Variants in SCN9A observed in about 807,000 individuals in gnomAD.
SCN9A encodes sodium voltage-gated channel alpha subunit 9.
In SCN9A, 131 loss-of-function variants were observed where a neutral mutation model predicts 187.0. That is an observed-to-expected ratio of 0.70 (90% CI 0.61 to 0.81). SCN9A has a LOEUF of 0.81. SCN9A is among the 30% of genes least tolerant of loss of function. The pLI, the probability that SCN9A is intolerant of heterozygous loss-of-function variation, is 0.00. For synonymous variants in SCN9A, 809 were observed against 808.6 expected, an observed-to-expected ratio of 1.00 and a Z score of -0.01; for missense variants, 2,252 against 2,396.6, an observed-to-expected ratio of 0.94 and a Z score of 1.26.
chr2:166,259,430 C>T (rs751716900), intron 17 of SCN9A: 5 of 151,630 alleles, frequency 3.3e-5, no homozygotes, highest in Non-Finnish European at 7.4e-5. Context: ...ATATACTCAA[C>T]GTTAAGCAAT....
At chr2:166,353,120 C>T (rs569589072) in intron 1 of SCN9A, among the ~76,000 whole-genome samples, 14 of 149,520 alleles carry the variant, frequency 9.4e-5, no homozygotes, top group African/African-American at 2.7e-4. Flanking sequence ...TTTGGGAGGC[C>T]GAAGTGGGCA....
intron 17 of SCN9A, among the ~76,000 whole-genome samples, chr2:166,255,647 T>C (rs983157967): frequency 3.3e-5 from 5 of 150,634 alleles, no homozygotes; most frequent in African/African-American, 1.2e-4. Flanking sequence ...AACTGAAAAA[T>C]GTTACATTTC....
Position 166,204,053 on chromosome 2 carries a change from G to A in SCN9A, c.4676C>T (p.Thr1559Ile). 1 of 1,611,278 alleles carries A rather than the reference G, an allele frequency of 6.2e-7. No individual in the cohort carries two copies. Among genetic ancestry groups the A allele is most frequent in the Non-Finnish European group, 8.5e-7 (1 of 1,177,970 alleles). Reference protein sequence around the residue: ...WINVVFIILFTGECVLKLISL... With the variant: ...WINVVFIILFIGECVLKLISL... ...GATCAGTTTTAGCACACATTCTCCAGTGAAAAGGATTATAAAAACCACATT... is the reference window on the plus strand; with the variant it reads ...GATCAGTTTTAGCACACATTCTCCAATGAAAAGGATTATAAAAACCACATT... Residue 1559 changes from threonine to isoleucine, a missense_variant, in exon 26 of 27, where the codon ACT becomes ATT. Around this residue, in one of 7 missense-constraint regions of SCN9A, gnomAD observed 368 missense variants for 408.6 expected, o/e 0.90. Transcript: ENST00000642356.
intron 7 of SCN9A, chr2:166,301,634 G>A (rs1698559218): frequency 6.6e-6 from 1 of 150,862 alleles, no homozygotes; most frequent in Admixed American, 6.6e-5. Context: ...ATAGGAGCAA[G>A]ACTCAGAATA....
rs1426236168 is a variant in SCN9A, at chr2:166,284,492, C to T, written c.1935G>A (p.Leu645=). 6.2e-7 allele frequency: 1 copy of T among 1,614,006 alleles called. No individual in the cohort carries two copies. The highest frequency in any genetic ancestry group is 1.7e-5 in the Admixed American group (1 of 60,012). The change falls in exon 12 of 27, where the codon CTG becomes CTA. Residue 645 remains leucine, a synonymous_variant. Transcript: ENST00000642356. The part of the protein sequence containing the change: ...SALMLPNGQL[L]PEVIIDKATS... ...TTGCCTTATCTATTATCACCTCTGG[C>T]AGAAGCTGTCCATTGGGGAGCATGA...
At chr2:166,210,313 G>C (rs1484712711) in intron 24 of SCN9A, among the ~76,000 whole-genome samples, 3 of 151,952 alleles carry the variant, frequency 2.0e-5, no homozygotes, top group Non-Finnish European at 2.9e-5. Context: ...TTGTGGGGTG[G>C]GGGGAGGAGG....
In SCN9A at chr2:166,284,609, A is replaced by C. The variant is rs202141567; in HGVS notation, c.1818T>G (p.Ser606Arg). Reference sequence around the variant, plus strand: ...TCACCGGCAGCATTGGTGGGGACCTACTGGCTTGGCTGATGTTACTGCTGC... The same window carrying C: ...TCACCGGCAGCATTGGTGGGGACCTCCTGGCTTGGCTGATGTTACTGCTGC... ...ERRSSNISQA[S>R]RSPPMLPVNG... Residue 606 changes from serine (S) to arginine (R), a missense_variant, in exon 12 of 27, where the codon AGT becomes AGG. By Grantham distance (110) the Ser-to-Arg change is moderately radical. Transcript: ENST00000642356. The C allele has an allele frequency of 8.9e-5, 144 of 1,614,018 alleles. 1 individual carries two copies. In the East Asian group the frequency reaches 3.2e-3, roughly 36 times the overall value.
intron 1 of SCN9A, among the ~76,000 whole-genome samples, chr2:166,367,153 A>C (rs539165024): frequency 6.6e-6 from 1 of 152,238 alleles, no homozygotes; most frequent in Non-Finnish European, 1.5e-5. Flanking sequence ...ATCCTGCACA[A>C]GATCACTTTG....
chr2:166,343,074 A>G (rs947239502), intron 1 of SCN9A, among the ~76,000 whole-genome samples: 3 of 152,222 alleles, frequency 2.0e-5, no homozygotes, highest in African/African-American at 7.2e-5. Context: ...AATTAACTAA[A>G]TAATGTAGTG....
intron 1 of SCN9A, among the ~76,000 whole-genome samples, chr2:166,358,303 C>CA (rs1244425217): frequency 6.6e-6 from 1 of 151,966 alleles, no homozygotes; most frequent in Admixed American, 6.6e-5. Flanking sequence ...CTCCTGACCT[C>CA]ATGTGATCCA....
At chr2:166,315,085 A>C (rs1699075827) in intron 1 of SCN9A, among the ~76,000 whole-genome samples, 1 of 152,200 alleles carries the variant, frequency 6.6e-6, no homozygotes, top group East Asian at 1.9e-4. Context: ...CAAATCAATG[A>C]ATCAAATCAA....
intron 1 of SCN9A, among the ~76,000 whole-genome samples, chr2:166,374,659 A>T (rs1295386466): frequency 6.6e-6 from 1 of 152,112 alleles, no homozygotes; most frequent in African/African-American, 2.4e-5. Context: ...TTAAATAACA[A>T]GGAAAGAAAG....
At chr2:166,237,609 T>C (rs1695374761) in intron 20 of SCN9A, among the ~76,000 whole-genome samples, 1 of 152,050 alleles carries the variant, frequency 6.6e-6, no homozygotes, top group Non-Finnish European at 1.5e-5. Context: ...AAGTTAACTT[T>C]GTATTTGTAT....
chr2:166,303,968 G>T lies in SCN9A; in HGVS notation c.688+270C>A, dbSNP rs906981242. The T allele has an allele frequency of 3.0e-5, 44 of 1,459,074 alleles. No homozygotes were observed. In the East Asian group the frequency reaches 7.5e-4, roughly 25 times the overall value. 90.4% of individuals were successfully genotyped at this position (1,459,074 alleles called of 1,614,324 possible). ...TTTAATTAAAATTGCATAAAGAAAG[G>T]TTTTTTTTATGTCTTTCTTTCAAAA... is the stretch of plus-strand genomic sequence containing the variant. On this transcript the variant is annotated intron_variant, in intron 6 of 26. Coordinates refer to ENST00000642356, the MANE Select transcript of SCN9A (RefSeq NM_001365536.1).
Position 166,251,172 on chromosome 2 carries a change from A to G in SCN9A, c.3472+593T>C, listed in dbSNP as rs553233512. 3.3e-5 allele frequency among the ~76,000 whole-genome samples: 5 copies of G among 152,226 alleles called. No individual in the cohort carries two copies. In the East Asian group the frequency reaches 9.7e-4, roughly 30 times the overall value. ...ATGGCTTTTCAAGCCACAGGCATGC[A>G]TGAAACACCTCAGAGCTTCAGAATA... On this transcript the variant is annotated intron_variant, in intron 18 of 26. Transcript: ENST00000642356.
intron 7 of SCN9A, chr2:166,302,092 C>T (rs1006326759): frequency 1.3e-5 from 2 of 150,836 alleles, no homozygotes; most frequent in Non-Finnish European, 2.9e-5. Flanking sequence ...GAATCCTGAC[C>T]TTTCCTCCCT....
At chr2:166,237,821 A>C (rs1039664785) in intron 20 of SCN9A, among the ~76,000 whole-genome samples, 1 of 152,176 alleles carries the variant, frequency 6.6e-6, no homozygotes, top group African/African-American at 2.4e-5. Flanking sequence ...TTAAAAAATC[A>C]CATCTCCTTT....
chr2:166,340,605 T>TCC (rs777622383), intron 1 of SCN9A, among the ~76,000 whole-genome samples: 5,411 of 74,886 alleles, frequency 0.072, 265 homozygotes, highest in East Asian at 0.096. Context: ...TTTCTTTCTT[T>TCC]TTCTTTCTTT....
chr2:166,285,622 AC>A (rs1697702957), intron 11 of SCN9A, among the ~76,000 whole-genome samples: 3 of 152,158 alleles, frequency 2.0e-5, no homozygotes, highest in Non-Finnish European at 4.4e-5. Context: ...ATCTTTTTTT[AC>A]TGTGTATATC....
Sources: allele counts gnomAD v4.1 joint callset (sites outside exome capture counted in the v4.1 genomes callset), GRCh38; gene constraint gnomAD v4.1.1; regional missense constraint gnomAD v4.1.1; transcripts MANE v1.5; gene names NCBI Gene and HGNC (gene_info 2026-07-23, HGNC 2026-07-21).